ANGPT1: variants seen among roughly 807,000 people sequenced by gnomAD.
ANGPT1 encodes the protein angiopoietin-1.
Under a neutral mutation model 62.2 loss-of-function variants are expected in ANGPT1, and 17 were observed. That is an observed-to-expected ratio of 0.27 (90% CI 0.19 to 0.41). The LOEUF (loss-of-function observed/expected upper bound fraction) is 0.41. ANGPT1 is among the 10% of genes least tolerant of loss of function. The probability of loss-of-function intolerance (pLI) is 1.00; values close to 1 mark genes in which losing one functional copy is unlikely to be tolerated. For synonymous variants in ANGPT1, 199 were observed against 198.9 expected, an observed-to-expected ratio of 1.00 and a Z score of 0.00; for missense variants, 478 against 594.9, an observed-to-expected ratio of 0.80 and a Z score of 2.04.
intron 7 of ANGPT1, among the ~76,000 whole-genome samples, chr8:107,282,996 T>C (rs943528403): frequency 2.7e-5 from 2 of 75,150 alleles, no homozygotes; most frequent in Non-Finnish European, 5.4e-5. Flanking sequence ...CACATGCATA[T>C]GCATGTGTAT....
At chr8:107,383,972 T>C (rs1032924644) in intron 1 of ANGPT1, among the ~76,000 whole-genome samples, 27 of 152,286 alleles carry the variant, frequency 1.8e-4, no homozygotes, top group African/African-American at 6.0e-4. Context: ...GTAGCTGATA[T>C]TATTCATCTA....
intron 4 of ANGPT1, among the ~76,000 whole-genome samples, chr8:107,309,975 T>A (rs1563562104): frequency 6.6e-6 from 1 of 152,188 alleles, no homozygotes; most frequent in East Asian, 1.9e-4. Flanking sequence ...AAAGTCCCTC[T>A]AACCCTGGAA....
intron 1 of ANGPT1, among the ~76,000 whole-genome samples, chr8:107,457,866 A>ACCCC (rs57718737): frequency 6.9e-5 from 8 of 116,064 alleles, no homozygotes; most frequent in African/African-American, 2.7e-4. Flanking sequence ...ACACACACAC[A>ACCCC]CCAAGAGGGG....
intron 7 of ANGPT1, among the ~76,000 whole-genome samples, chr8:107,274,835 C>CT (rs915964740): frequency 2.0e-5 from 3 of 151,888 alleles, no homozygotes; most frequent in Admixed American, 6.6e-5. Context: ...TTAAGAAATG[C>CT]TTTTTTTTCG....
chr8:107,386,418 T>A (rs1001237343), intron 1 of ANGPT1, among the ~76,000 whole-genome samples: 6 of 152,078 alleles, frequency 3.9e-5, no homozygotes, highest in Non-Finnish European at 7.4e-5. Context: ...AAAAACACAT[T>A]TATTTACAAG....
chr8:107,255,420 T>C (rs974402348), intron 8 of ANGPT1, among the ~76,000 whole-genome samples: 2 of 152,138 alleles, frequency 1.3e-5, no homozygotes, highest in African/African-American at 4.8e-5. Flanking sequence ...TAAAGGTTTT[T>C]ATTACACCTT....
intron 3 of ANGPT1, among the ~76,000 whole-genome samples, chr8:107,326,085 C>A (rs906767398): frequency 2.6e-5 from 4 of 152,090 alleles, no homozygotes; most frequent in African/African-American, 7.2e-5. Flanking sequence ...ATCAGACAAC[C>A]TTTAATGCTC....
At chr8:107,252,810 G>C (rs1021740367) in intron 8 of ANGPT1, among the ~76,000 whole-genome samples, 2 of 152,266 alleles carry the variant, frequency 1.3e-5, no homozygotes, top group East Asian at 1.9e-4. Flanking sequence ...TAAGTTCTTA[G>C]ATTTTTAGAT....
chr8:107,347,206 T>G (rs1385796939), intron 1 of ANGPT1, 109 bp from the exon 2 acceptor site: 1 of 1,132,154 alleles, frequency 8.8e-7, no homozygotes, highest in Non-Finnish European at 1.2e-6. Flanking sequence ...ATCAGCCATC[T>G]GGCGGGGATC....
intron 1 of ANGPT1, among the ~76,000 whole-genome samples, chr8:107,401,016 T>G (rs1362379519): frequency 2.0e-5 from 3 of 152,194 alleles, no homozygotes; most frequent in Non-Finnish European, 4.4e-5. Flanking sequence ...AATTCCACTT[T>G]CTAACCTTTA....
At chr8:107,293,180 T>C (rs1814320197) in intron 6 of ANGPT1, among the ~76,000 whole-genome samples, 1 of 146,838 alleles carries the variant, frequency 6.8e-6, no homozygotes, top group African/African-American at 2.5e-5. Context: ...TATTGAGCAT[T>C]AAAAAAGAGA....
intron 1 of ANGPT1, among the ~76,000 whole-genome samples, chr8:107,364,831 T>C (rs1286076366): frequency 6.6e-6 from 1 of 152,204 alleles, no homozygotes; most frequent in African/African-American, 2.4e-5. Context: ...ATTTCAATGA[T>C]GAATAGACCA....
intron 4 of ANGPT1, among the ~76,000 whole-genome samples, chr8:107,303,891 C>T (rs1814654056): frequency 6.6e-6 from 1 of 151,804 alleles, no homozygotes; most frequent in Non-Finnish European, 1.5e-5. Flanking sequence ...TATTGAAGAG[C>T]TTCTAGAAAA....
intron 1 of ANGPT1, among the ~76,000 whole-genome samples, chr8:107,481,456 C>T (rs1395500306): frequency 6.9e-6 from 1 of 144,730 alleles, no homozygotes; most frequent in Non-Finnish European, 1.5e-5. Context: ...ATCACTTGAA[C>T]CTGGGAGGCA....
intron 1 of ANGPT1, among the ~76,000 whole-genome samples, chr8:107,489,644 A>T (rs1346589454): frequency 6.6e-6 from 1 of 152,208 alleles, no homozygotes; most frequent in Non-Finnish European, 1.5e-5. Context: ...TCAGGTATAG[A>T]TCCTACATGG....
chr8:107,284,965 T>G (rs556366285), intron 6 of ANGPT1, 117 bp from the exon 7 acceptor site: 681 of 774,296 alleles, frequency 8.8e-4, no homozygotes, highest in Non-Finnish European at 1.1e-3. Flanking sequence ...GGTTTTTGTT[T>G]TTTACATTTT....
chr8:107,437,351 T>C (rs953792586), intron 1 of ANGPT1, among the ~76,000 whole-genome samples: 3 of 152,184 alleles, frequency 2.0e-5, no homozygotes, highest in Middle Eastern at 6.3e-3. Flanking sequence ...TAGCCTGTTA[T>C]AGAGAAAGGT....
intron 8 of ANGPT1, 113 bp downstream of exon 8, chr8:107,264,108 G>A: frequency 1.5e-6 from 2 of 1,303,580 alleles, no homozygotes; most frequent in Non-Finnish European, 2.0e-6. Flanking sequence ...TGATCTCTAG[G>A]GACTTGCTCT....
At chr8:107,313,514 A>G (rs1814934282) in intron 4 of ANGPT1, among the ~76,000 whole-genome samples, 1 of 128,160 alleles carries the variant, frequency 7.8e-6, no homozygotes, top group Non-Finnish European at 1.5e-5. Flanking sequence ...ATCTCAACTC[A>G]CTGCAAGCTC....
Sources: allele counts gnomAD v4.1 joint callset (sites outside exome capture counted in the v4.1 genomes callset), GRCh38; gene constraint gnomAD v4.1.1; transcripts MANE v1.5; gene names NCBI Gene and HGNC (gene_info 2026-07-23, HGNC 2026-07-21).